The following FSIP1 variants were observed in gnomAD, a reference collection of about 807,000 sequenced individuals.
FSIP1 encodes fibrous sheath interacting protein 1.
Under a neutral mutation model 60.9 loss-of-function variants are expected in FSIP1, and 65 were observed. The observed-to-expected ratio is 1.07, with a 90% confidence interval of 0.87 to 1.31. The LOEUF (loss-of-function observed/expected upper bound fraction) is 1.31, where lower values mean the gene tolerates loss of function less well. FSIP1 is among the 40% of genes most tolerant of loss of function. FSIP1 has a pLI of 0.00. For missense variants in FSIP1, 675 were observed against 665.5 expected (o/e 1.01, Z -0.16); for synonymous variants, 209 against 221.2 (o/e 0.94, Z 0.49).
chr15:39,739,570 G>A, intron 7 of FSIP1, 95 bp downstream of exon 7: 1 of 1,155,628 alleles, frequency 8.7e-7, no homozygotes. Flanking sequence ...ATTTATGATG[G>A]TTGAAAAATA....
intron 10 of FSIP1, among the ~76,000 whole-genome samples, chr15:39,656,626 C>A (rs1893080549): frequency 6.6e-6 from 1 of 152,214 alleles, no homozygotes. Context: ...CTACCCCATA[C>A]AGTTTTTGTA....
Position 39,600,691 on chromosome 15 carries a change from A to G in FSIP1, c.*189T>C. ...GTCCCAGAAATTTTAATGAGCAAAA[A>G]CCACTGAACAATTACACCCCAAGTC... On this transcript the variant is annotated 3_prime_UTR_variant, in exon 12 of 12. Coordinates refer to ENST00000350221, the MANE Select transcript of FSIP1 (RefSeq NM_152597.5). 3 of 501,122 alleles carry G rather than the reference A, an allele frequency of 6.0e-6. No individual in the cohort carries two copies. In the South Asian group the frequency reaches 1.0e-4, roughly 17 times the overall value. 31.0% of individuals were successfully genotyped at this position (501,122 alleles called of 1,614,324 possible). A position where few individuals can be genotyped will look rare whatever the true frequency, so the allele number is the denominator to read the frequency against.
chr15:39,597,931 G>A (rs900257939), downstream of FSIP1: 1 of 152,190 alleles, frequency 6.6e-6, no homozygotes, highest in Non-Finnish European at 1.5e-5. Flanking sequence ...TGTGGATGAG[G>A]GAGGAGCTGT....
At chr15:39,648,081 G>C (rs1237448792) in intron 10 of FSIP1, among the ~76,000 whole-genome samples, 1 of 151,450 alleles carries the variant, frequency 6.6e-6, no homozygotes, top group African/African-American at 2.4e-5. Context: ...TGACGAGTTA[G>C]TGGGTGCAGC....
chr15:39,739,086 C>T, intron 7 of FSIP1, among the ~76,000 whole-genome samples: 1 of 152,160 alleles, frequency 6.6e-6, no homozygotes, highest in Non-Finnish European at 1.5e-5. Context: ...CCCCTGCGCC[C>T]TTGTTTAGTT....
Position 39,693,249 on chromosome 15 carries a change from C to G in FSIP1, c.1188+20195G>C, listed in dbSNP as rs918049015. 2.6e-5 allele frequency among the ~76,000 whole-genome samples: 4 copies of G among 152,210 alleles called. No homozygotes were observed. In the East Asian group the frequency reaches 5.8e-4, roughly 22 times the overall value. On this transcript the variant is annotated intron_variant, in intron 10 of 11. Coordinates refer to ENST00000350221, the MANE Select transcript of FSIP1 (RefSeq NM_152597.5). ...ACACCACGTAATCAACCTTTGAGCT[C>G]CGTGACTTCCAATGCTCTCACTGGC...
intron 3 of FSIP1, among the ~76,000 whole-genome samples, chr15:39,769,944 A>C (rs1565559): frequency 0.43 from 65,637 of 152,030 alleles, 14,886 homozygotes; most frequent in Admixed American, 0.5. Context: ...GGTCTCAGGG[A>C]CACCATCTCC....
intron 5 of FSIP1, among the ~76,000 whole-genome samples, chr15:39,747,994 C>T (rs1247141587): frequency 6.6e-6 from 1 of 152,080 alleles, no homozygotes; most frequent in Non-Finnish European, 1.5e-5. Flanking sequence ...CTATTTATCC[C>T]TTCATGTTGT....
At chr15:39,630,193 C>T (rs1441024241) in intron 10 of FSIP1, among the ~76,000 whole-genome samples, 1 of 152,130 alleles carries the variant, frequency 6.6e-6, no homozygotes, top group African/African-American at 2.4e-5. Context: ...TTTACATTTG[C>T]CAATCTGAAC....
chr15:39,690,926 C>T (rs1344553940), intron 10 of FSIP1, among the ~76,000 whole-genome samples: 1 of 152,340 alleles, frequency 6.6e-6, no homozygotes, highest in African/African-American at 2.4e-5. Flanking sequence ...TCCCTTTGGG[C>T]CCCTTGGAGT....
chr15:39,633,091 C>CTTTTTTTTTTTTTTTTTTTTTTT (rs869063502), intron 10 of FSIP1, among the ~76,000 whole-genome samples: 10 of 112,882 alleles, frequency 8.9e-5, no homozygotes, highest in African/African-American at 3.3e-4. Context: ...GGCTATACTT[C>CTTTTTTTTTTTTTTTTTTTTTTT]TTTTTTTTTT....
At chr15:39,664,273 G>A (rs1176121384) in intron 10 of FSIP1, among the ~76,000 whole-genome samples, 1 of 152,126 alleles carries the variant, frequency 6.6e-6, no homozygotes, top group Non-Finnish European at 1.5e-5. Context: ...ATGTCAAATT[G>A]CAAAATTCTT....
At chr15:39,632,701 G>T (rs185281056) in intron 10 of FSIP1, among the ~76,000 whole-genome samples, 7 of 152,234 alleles carry the variant, frequency 4.6e-5, no homozygotes, top group African/African-American at 1.7e-4. Context: ...TCTGAGGCAG[G>T]AGAATCGCTT....
chr15:39,633,203 C>G (rs989906363), intron 10 of FSIP1, among the ~76,000 whole-genome samples: 1 of 150,356 alleles, frequency 6.7e-6, no homozygotes, highest in African/African-American at 2.5e-5. Flanking sequence ...CATTCTCCTA[C>G]CTCAGCATCC....
chr15:39,622,362 T>C (rs1167078170), intron 10 of FSIP1, among the ~76,000 whole-genome samples: 1 of 152,202 alleles, frequency 6.6e-6, no homozygotes. Flanking sequence ...CCCACCTTCA[T>C]TTTAGTAGCT....
intron 10 of FSIP1, among the ~76,000 whole-genome samples, chr15:39,633,408 C>T (rs1361330199): frequency 6.6e-6 from 1 of 152,032 alleles, no homozygotes; most frequent in Non-Finnish European, 1.5e-5. Context: ...TTTTAAATGT[C>T]CAAACAATTA....
intron 11 of FSIP1, among the ~76,000 whole-genome samples, chr15:39,611,331 T>A (rs974752896): frequency 5.7e-4 from 86 of 152,154 alleles, no homozygotes; most frequent in Non-Finnish European, 1.3e-4. Flanking sequence ...TTTTTATTTT[T>A]TAAGGAGATG....
intron 10 of FSIP1, among the ~76,000 whole-genome samples, chr15:39,665,792 C>T (rs1243270476): frequency 1.3e-5 from 2 of 152,094 alleles, no homozygotes; most frequent in African/African-American, 4.8e-5. Flanking sequence ...AAAGAACAAA[C>T]AGGTTTTCTT....
In FSIP1 at chr15:39,600,745, A is replaced by G. The variant is rs1890608831; in HGVS notation, c.*135T>C. 2 of 615,598 alleles carry G rather than the reference A, an allele frequency of 3.2e-6. No homozygotes were observed. Among genetic ancestry groups the G allele is most frequent in the African/African-American group, 3.9e-5 (2 of 51,704 alleles). 38.1% of individuals were successfully genotyped at this position (615,598 alleles called of 1,614,324 possible). ...AAAATATCAAGGAAATATAATCCAC[A>G]AAGAGCGACTCCAAATGTCAAAATC... is the stretch of plus-strand genomic sequence containing the variant. On this transcript the variant is annotated 3_prime_UTR_variant, in exon 12 of 12. Transcript: ENST00000350221.
Sources: gnomAD v4.1 joint callset for allele counts (sites outside exome capture counted in the v4.1 genomes callset) on GRCh38, gnomAD v4.1.1 for gene constraint, MANE v1.5 for transcripts, NCBI Gene and HGNC (gene_info 2026-07-23, HGNC 2026-07-21) for gene names.